TNFRSF9: variants seen among roughly 807,000 people sequenced by gnomAD.
The protein encoded by TNFRSF9 is tumor necrosis factor receptor superfamily member 9.
In TNFRSF9, 16 loss-of-function variants were observed where a neutral mutation model predicts 28.8. That is an observed-to-expected ratio of 0.55 (90% CI 0.38 to 0.84). TNFRSF9 has a LOEUF of 0.84. Ranked by LOEUF, TNFRSF9 falls within the 40% of genes least tolerant of loss-of-function variation. The pLI, the probability that TNFRSF9 is intolerant of heterozygous loss-of-function variation, is 0.00. For synonymous variants in TNFRSF9, 131 were observed against 117.0 expected (o/e 1.12, Z -0.77); for missense variants, 303 against 315.0 (o/e 0.96, Z 0.29).
chr1:7,932,729 A>G (rs556853090), intron 7 of TNFRSF9, among the ~76,000 whole-genome samples: 2 of 142,962 alleles, frequency 1.4e-5, no homozygotes, highest in East Asian at 5.1e-4. Context: ...ACGCACACAC[A>G]CACATACACA....
rs1390276810 is a variant in TNFRSF9 at position 7,919,630 on chromosome 1, AG to A, written c.*1204del. The A allele has an allele frequency of 6.6e-6, 1 of 152,276 alleles. No individual in the cohort carries two copies. The highest frequency in any genetic ancestry group is 1.5e-5 in the Non-Finnish European group (1 of 68,080). 9.4% of individuals were successfully genotyped at this position (152,276 alleles called of 1,614,324 possible). A position where few individuals can be genotyped will look rare whatever the true frequency, so the allele number is the denominator to read the frequency against. On this transcript the variant is annotated 3_prime_UTR_variant, in exon 8 of 8. Transcript: ENST00000377507. ...TGAGGCGGGTGGATCACTTGAGCCC[AG>A]GAGTTTAAGGCTAAAGTGTGCTATG...
At position 7,917,981 on chromosome 1, in the gene TNFRSF9, T is replaced by C. The variant is rs1030908366; in HGVS notation, c.*2854A>G. On this transcript the variant is annotated 3_prime_UTR_variant, in exon 8 of 8. Coordinates refer to ENST00000377507, the MANE Select transcript of TNFRSF9 (RefSeq NM_001561.6). ...ATATATATATATATATATATAGATA[T>C]AGATAGATAGATAGATAGATAGGCA... is the stretch of plus-strand genomic sequence containing the variant. 6.8e-6 allele frequency: 1 copy of C among 146,204 alleles called. No homozygotes were observed. Among genetic ancestry groups the C allele is most frequent in the African/African-American group, 2.7e-5 (1 of 37,604 alleles). 9.1% of individuals were successfully genotyped at this position (146,204 alleles called of 1,614,324 possible). A position where few individuals can be genotyped will look rare whatever the true frequency, so the allele number is the denominator to read the frequency against.
Position 7,917,465 on chromosome 1 carries a change from G to A in TNFRSF9, c.*3370C>T, listed in dbSNP as rs901603509. On this transcript the variant is annotated 3_prime_UTR_variant, in exon 8 of 8. Coordinates refer to ENST00000377507, the MANE Select transcript of TNFRSF9 (RefSeq NM_001561.6). ...AGAAAGACGACGTATTGAATACATG[G>A]CGCAGGGACCAGTGGTTACCTACAT... is the stretch of plus-strand genomic sequence containing the variant. 2 of 152,152 alleles carry A rather than the reference G, an allele frequency of 1.3e-5. No individual in the cohort carries two copies. Among genetic ancestry groups the A allele is most frequent in the East Asian group, 3.9e-4 (2 of 5,184 alleles). The allele number at this position is 152,152 out of a possible 1,614,324, so 9.4% of individuals were successfully genotyped here.
chr1:7,936,037 C>T (rs554866049), intron 5 of TNFRSF9, among the ~76,000 whole-genome samples: 1 of 152,290 alleles, frequency 6.6e-6, no homozygotes, highest in Non-Finnish European at 1.5e-5. Context: ...ATCCGCCCGT[C>T]CTCCAGAGCC....
intron 6 of TNFRSF9, among the ~76,000 whole-genome samples, chr1:7,933,932 G>A (rs764303739): frequency 5.2e-4 from 79 of 152,172 alleles, no homozygotes; most frequent in African/African-American, 1.6e-3. Flanking sequence ...CAGGAGAATC[G>A]CTTGAACCTG....
intron 6 of TNFRSF9, 116 bp downstream of exon 6, chr1:7,934,897 G>C (rs752219876): frequency 1.2e-4 from 168 of 1,374,888 alleles, no homozygotes; most frequent in Non-Finnish European, 2.3e-5. Context: ...GCAGGATTCA[G>C]GAAGAATGCA....
rs767170897 is a variant in TNFRSF9, at chr1:7,938,840, A to G, written c.101-12T>C. 1 of 1,589,568 alleles carries G rather than the reference A, an allele frequency of 6.3e-7. No homozygotes were observed. Among genetic ancestry groups the G allele is most frequent in the Non-Finnish European group, 8.6e-7 (1 of 1,158,432 alleles). ...ATCACAGAATGTACCTAAGAAAGGC[A>G]GACAATAGTGGTACACGTTTGACAA... On this transcript the variant is annotated splice_polypyrimidine_tract_variant and intron_variant, in intron 2 of 7. Transcript: ENST00000377507.
At chr1:7,922,705 G>A (rs561119444) in intron 7 of TNFRSF9, among the ~76,000 whole-genome samples, 8 of 151,760 alleles carry the variant, frequency 5.3e-5, no homozygotes, top group African/African-American at 9.6e-5. Flanking sequence ...TTAGCTATTC[G>A]GGAGTCTGAG....
At chr1:7,940,485 C>A (rs1208382823) in intron 1 of TNFRSF9, among the ~76,000 whole-genome samples, 2 of 152,186 alleles carry the variant, frequency 1.3e-5, no homozygotes, top group African/African-American at 4.8e-5. Flanking sequence ...GAAGCTATCA[C>A]ATAATCACTC....
In TNFRSF9 at chr1:7,938,770, G is replaced by A. The variant is rs745481514; in HGVS notation, c.159C>T (p.Phe53=). The change falls in exon 3 of 8, where the codon TTC becomes TTT. Residue 53 remains phenylalanine, a synonymous_variant. Coordinates refer to ENST00000377507, the MANE Select transcript of TNFRSF9 (RefSeq NM_001561.6). ...QICSPCPPNS[F]SSAGGQRTCD... is the part of the protein sequence containing the mutation. ...AGGTCCTTTGTCCACCTGCGCTGGA[G>A]AAACTATTTGGAGGACAGGGACTGC... 4 of 1,613,662 alleles carry A rather than the reference G, an allele frequency of 2.5e-6. No individual in the cohort carries two copies. Among genetic ancestry groups the A allele is most frequent in the Admixed American group, 1.7e-5 (1 of 59,978 alleles).
intron 7 of TNFRSF9, among the ~76,000 whole-genome samples, chr1:7,924,329 ATATAT>A (rs1366078307): frequency 5.1e-5 from 5 of 98,704 alleles, no homozygotes; most frequent in African/African-American, 1.1e-4. Context: ...ATATATATAT[ATATAT>A]AACCAGTTAA....
At position 7,915,933 on chromosome 1, in the gene TNFRSF9, T is replaced by C. The variant is rs1221367284; in HGVS notation, c.*4902A>G. 1 of 152,164 alleles carries C rather than the reference T, an allele frequency of 6.6e-6. No homozygotes were observed. Among genetic ancestry groups the C allele is most frequent in the Non-Finnish European group, 1.5e-5 (1 of 68,036 alleles). 9.4% of individuals were successfully genotyped at this position (152,164 alleles called of 1,614,324 possible). A position where few individuals can be genotyped will look rare whatever the true frequency, so the allele number is the denominator to read the frequency against. ...AGTTTTGTGTTTTATTAGATAGTCT[T>C]TTAAATAAAAACGTTGATAAAGATC... On this transcript the variant is annotated 3_prime_UTR_variant, in exon 8 of 8. Transcript: ENST00000377507.
chr1:7,936,176 G>A (rs963399857), intron 5 of TNFRSF9, among the ~76,000 whole-genome samples: 1 of 152,004 alleles, frequency 6.6e-6, no homozygotes, highest in Non-Finnish European at 1.5e-5. Context: ...AGCACTTTGG[G>A]AGGCCAAGGC....
At chr1:7,924,348 C>A (rs1015850090) in intron 7 of TNFRSF9, among the ~76,000 whole-genome samples, 1 of 143,400 alleles carries the variant, frequency 7.0e-6, no homozygotes, top group South Asian at 2.2e-4. Flanking sequence ...CAGTTAAGGC[C>A]GGGTGTTGTG....
At chr1:7,922,683 T>G (rs1578069696) in intron 7 of TNFRSF9, among the ~76,000 whole-genome samples, 1 of 151,638 alleles carries the variant, frequency 6.6e-6, no homozygotes, top group Admixed American at 6.6e-5. Flanking sequence ...ATGGTGGCGC[T>G]CACCTGTAAT....
chr1:7,931,220 C>T (rs1578074116), intron 7 of TNFRSF9, among the ~76,000 whole-genome samples: 1 of 152,284 alleles, frequency 6.6e-6, no homozygotes, highest in Non-Finnish European at 1.5e-5. Context: ...GGCATATTCA[C>T]GACCAAGATA....
chr1:7,940,242 G>A (rs1411922534), intron 1 of TNFRSF9, among the ~76,000 whole-genome samples, 164 bp from the exon 2 acceptor site: 1 of 152,140 alleles, frequency 6.6e-6, no homozygotes, highest in Non-Finnish European at 1.5e-5. Flanking sequence ...GAAACCACTA[G>A]GACAAGGCAG....
intron 7 of TNFRSF9, among the ~76,000 whole-genome samples, chr1:7,929,688 G>A (rs1639706354): frequency 6.6e-6 from 1 of 152,160 alleles, no homozygotes. Context: ...AGGGGATGGT[G>A]GGGAGAGGTA....
At position 7,935,039 on chromosome 1, in the gene TNFRSF9, G is replaced by A. The variant is rs1268817422; in HGVS notation, c.518C>T (p.Thr173Ile). Reference sequence around the variant, plus strand: ...TGGCTCTCTCGCAGGGGCAGGCGGGGTCACAGAGGATGCTCCCGGAGAGAG... The same window carrying A: ...TGGCTCTCTCGCAGGGGCAGGCGGGATCACAGAGGATGCTCCCGGAGAGAG... ...ADLSPGASSVTPPAPAREPGH... is the reference protein window; with the variant it reads ...ADLSPGASSVIPPAPAREPGH... The change falls in exon 6 of 8, where the codon ACC (threonine) becomes ATC (isoleucine). Residue 173 changes from threonine (T) to isoleucine (I), a missense_variant. Thr to Ile is a moderately conservative substitution (Grantham distance 89). Transcript: ENST00000377507. 12 of 1,614,138 alleles carry A rather than the reference G, an allele frequency of 7.4e-6. No homozygotes were observed. The highest frequency in any genetic ancestry group is 9.3e-6 in the Non-Finnish European group (11 of 1,180,056).
Sources: gnomAD v4.1 joint callset for allele counts (sites outside exome capture counted in the v4.1 genomes callset) on GRCh38, gnomAD v4.1.1 for gene constraint, MANE v1.5 for transcripts, NCBI Gene and HGNC (gene_info 2026-07-23, HGNC 2026-07-21) for gene names.